Variants in PANK3 observed in about 807,000 individuals in gnomAD.
PANK3 encodes hPanK3.
Under a neutral mutation model 39.4 loss-of-function variants are expected in PANK3, and 20 were observed. That is an observed-to-expected ratio of 0.51 (90% CI 0.36 to 0.74). The LOEUF (loss-of-function observed/expected upper bound fraction) is 0.74, where lower values mean the gene tolerates loss of function less well. PANK3 is among the 30% of genes least tolerant of loss of function. PANK3 has a pLI of 0.00. For missense variants in PANK3, 265 were observed against 437.0 expected, an observed-to-expected ratio of 0.61 and a Z score of 3.51; for synonymous variants, 140 against 157.3, an observed-to-expected ratio of 0.89 and a Z score of 0.82.
intron 5 of PANK3, among the ~76,000 whole-genome samples, chr5:168,559,435 GGACTGTAA>G (rs1355073077): frequency 6.6e-6 from 1 of 152,100 alleles, no homozygotes; most frequent in Non-Finnish European, 1.5e-5. Context: ...ACAGGGTTAT[GGACTGTAA>G]CACATGATCA....
chr5:168,564,039 A>C lies in PANK3; in HGVS notation c.662T>G (p.Leu221Ter). The C allele has an allele frequency of 6.2e-7, 1 of 1,611,944 alleles. No homozygotes were observed. Among genetic ancestry groups the C allele is most frequent in the South Asian group, 1.1e-5 (1 of 90,486 alleles). ...TTCACAGCCAGTCAATAAACTGCAT[A>C]AACCCAGAAAGGTACCCCCTCCAAG... ...TSLGGGTFLG[L>*]CSLLTGCESF... is the part of the protein sequence containing the mutation. Residue 221 changes from leucine to a stop codon, truncating the protein, a stop_gained, in exon 4 of 7, where the codon TTA (leucine) becomes TGA (stop). Coordinates refer to ENST00000239231, the MANE Select transcript of PANK3 (RefSeq NM_024594.4). LOFTEE classifies it high-confidence loss of function.
At position 168,549,132 on chromosome 5, in the gene PANK3, T is replaced by C. The variant is rs1171965107; in HGVS notation, c.*8439A>G. 1.3e-5 allele frequency: 2 copies of C among 152,196 alleles called. No homozygotes were observed. Among genetic ancestry groups the C allele is most frequent in the Admixed American group, 6.5e-5 (1 of 15,280 alleles). The allele number at this position is 152,196 out of a possible 1,614,324, so 9.4% of individuals were successfully genotyped here. A position where few individuals can be genotyped will look rare whatever the true frequency, so the allele number is the denominator to read the frequency against. Reference sequence around the variant, plus strand: ...AAATAAAAAGTAAAAGCACACAGTGTATAAAAAATAATAAAAACCATCTTA... The same window carrying C: ...AAATAAAAAGTAAAAGCACACAGTGCATAAAAAATAATAAAAACCATCTTA... On this transcript the variant is annotated 3_prime_UTR_variant, in exon 7 of 7. Transcript: ENST00000239231.
intron 1 of PANK3, among the ~76,000 whole-genome samples, chr5:168,578,098 GAGAA>G (rs1347784107): frequency 2.0e-5 from 3 of 152,196 alleles, no homozygotes; most frequent in Non-Finnish European, 2.9e-5. Flanking sequence ...ATGGGTGCAA[GAGAA>G]AGAACACTGT....
intron 5 of PANK3, chr5:168,560,869 C>T (rs907369029): frequency 4.7e-6 from 2 of 427,368 alleles, no homozygotes; most frequent in Admixed American, 2.4e-5. Context: ...CAATAAACAC[C>T]ACTCAAATAT....
rs976992962 is a variant in PANK3, at chr5:168,550,905, A to G, written c.*6666T>C. 2 of 152,178 alleles carry G rather than the reference A, an allele frequency of 1.3e-5. No individual in the cohort carries two copies. The highest frequency in any genetic ancestry group is 6.5e-5 in the Admixed American group (1 of 15,274). 9.4% of individuals were successfully genotyped at this position (152,178 alleles called of 1,614,324 possible). A position where few individuals can be genotyped will look rare whatever the true frequency, so the allele number is the denominator to read the frequency against. On this transcript the variant is annotated 3_prime_UTR_variant, in exon 7 of 7. Transcript: ENST00000239231. ...AACACTACTTCTAATACAATACCAAATATGACCTCACATTCACTGAATATG... is the reference window on the plus strand; with the variant it reads ...AACACTACTTCTAATACAATACCAAGTATGACCTCACATTCACTGAATATG...
chr5:168,569,345 TG>T (rs1198769790), intron 1 of PANK3, among the ~76,000 whole-genome samples: 3 of 150,582 alleles, frequency 2.0e-5, no homozygotes, highest in Non-Finnish European at 1.5e-5. Flanking sequence ...CCACCACGCC[TG>T]CCTAATTTTT....
At chr5:168,561,675 G>C (rs1759451171) in intron 4 of PANK3, among the ~76,000 whole-genome samples, 159 bp from the exon 5 acceptor site, 2 of 152,040 alleles carry the variant, frequency 1.3e-5, no homozygotes, top group Non-Finnish European at 2.9e-5. Context: ...AAAAATCTAT[G>C]CAAGAGTAAA....
intron 5 of PANK3, 58 bp downstream of exon 5, chr5:168,561,335 T>C (rs1037983653): frequency 4.0e-6 from 6 of 1,484,706 alleles, no homozygotes; most frequent in Non-Finnish European, 5.4e-6. Flanking sequence ...GCTAGGTGTA[T>C]ATAGGACTCC....
intron 2 of PANK3, among the ~76,000 whole-genome samples, chr5:168,566,468 C>G (rs1759536505): frequency 6.6e-6 from 1 of 152,120 alleles, no homozygotes; most frequent in Non-Finnish European, 1.5e-5. Context: ...TGCTAGTTTT[C>G]TAAATGATGG....
At chr5:168,569,481 C>T (rs1429967601) in intron 1 of PANK3, among the ~76,000 whole-genome samples, 2 of 151,908 alleles carry the variant, frequency 1.3e-5, no homozygotes, top group African/African-American at 4.8e-5. Context: ...CGTGAGCCAC[C>T]GCGCTCGGCC....
intron 6 of PANK3, among the ~76,000 whole-genome samples, chr5:168,558,153 C>CTT (rs767440372): frequency 2.9e-4 from 33 of 115,252 alleles, no homozygotes; most frequent in Non-Finnish European, 3.3e-4. Flanking sequence ...GACATGGAAG[C>CTT]TTTTTTTTTT....
At chr5:168,575,648 T>C (rs1217176961) in intron 1 of PANK3, among the ~76,000 whole-genome samples, 1 of 152,100 alleles carries the variant, frequency 6.6e-6, no homozygotes, top group African/African-American at 2.4e-5. Context: ...TAGCTGGGCA[T>C]AGTGGCAAGC....
rs147930779 is a variant in PANK3, at chr5:168,571,855, G to T, written c.29-2857C>A. Among the ~76,000 whole-genome samples, 12 of 152,234 alleles carry T rather than the reference G, an allele frequency of 7.9e-5. No homozygotes were observed. In the East Asian group the frequency reaches 2.1e-3, roughly 27 times the overall value. The stretch of plus-strand genomic sequence containing the variant: ...CTTTATATTTGAAACTCAAATTAGA[G>T]ATCTGGAGCTACATTACAGATAATC... On this transcript the variant is annotated intron_variant, in intron 1 of 6. Transcript: ENST00000239231.
rs1010493973 is a variant in PANK3, at chr5:168,549,004, T to C, written c.*8567A>G. 6.6e-6 allele frequency: 1 copy of C among 152,182 alleles called. No homozygotes were observed. The highest frequency in any genetic ancestry group is 2.4e-5 in the African/African-American group (1 of 41,458). 9.4% of individuals were successfully genotyped at this position (152,182 alleles called of 1,614,324 possible). A position where few individuals can be genotyped will look rare whatever the true frequency, so the allele number is the denominator to read the frequency against. On this transcript the variant is annotated 3_prime_UTR_variant, in exon 7 of 7. Coordinates refer to ENST00000239231, the MANE Select transcript of PANK3 (RefSeq NM_024594.4). ...TCCCCAAATTAAAGGATTCCTTAGA[T>C]TGGGACATAATAACATCTTCTGAGT... is the stretch of plus-strand genomic sequence containing the variant.
At chr5:168,564,203 T>A in intron 3 of PANK3, 138 bp from the exon 4 acceptor site, 1 of 737,602 alleles carries the variant, frequency 1.4e-6, no homozygotes, top group East Asian at 3.1e-5. Flanking sequence ...TGAAATAACA[T>A]AACGAAGGCA....
intron 1 of PANK3, among the ~76,000 whole-genome samples, chr5:168,577,692 G>A (rs1223237966): frequency 6.6e-6 from 1 of 152,134 alleles, no homozygotes; most frequent in Non-Finnish European, 1.5e-5. Flanking sequence ...AAACACCTTT[G>A]AAGGAGGTAG....
At position 168,554,749 on chromosome 5, in the gene PANK3, G is replaced by A. The variant is rs544172511; in HGVS notation, c.*2822C>T. On this transcript the variant is annotated 3_prime_UTR_variant, in exon 7 of 7. Transcript: ENST00000239231. The stretch of plus-strand genomic sequence containing the variant: ...AATTTATTTTAAAAGTTTCTGATTT[G>A]TATATCTGTACAGATAAGAATCTTA... 2.1e-4 allele frequency: 32 copies of A among 152,224 alleles called. No homozygotes were observed. The highest frequency in any genetic ancestry group is 7.5e-4 in the African/African-American group (31 of 41,538). The allele number at this position is 152,224 out of a possible 1,614,324, so 9.4% of individuals were successfully genotyped here. A position where few individuals can be genotyped will look rare whatever the true frequency, so the allele number is the denominator to read the frequency against.
intron 1 of PANK3, among the ~76,000 whole-genome samples, chr5:168,572,201 C>A (rs868378085): frequency 5.3e-5 from 8 of 150,418 alleles, no homozygotes; most frequent in South Asian, 2.1e-4. Context: ...GTAGCCTCCA[C>A]CTCCTGGGTT....
chr5:168,573,948 T>G, intron 1 of PANK3, among the ~76,000 whole-genome samples: 1 of 152,162 alleles, frequency 6.6e-6, no homozygotes, highest in Non-Finnish European at 1.5e-5. Context: ...TCCAAGTCTT[T>G]GCTACTGTGA....
Sources: allele counts gnomAD v4.1 joint callset (sites outside exome capture counted in the v4.1 genomes callset), GRCh38; gene constraint gnomAD v4.1.1; transcripts MANE v1.5; gene names NCBI Gene and HGNC (gene_info 2026-07-23, HGNC 2026-07-21).